The following ENTREP2 variants were observed in gnomAD, a reference collection of about 807,000 sequenced individuals.
ENTREP2 encodes the protein protein ENTREP2.
At chr15:29,173,177 G>A in the ENTREP2 span, among the ~76,000 whole-genome samples, 1 of 152,184 alleles carries the variant, frequency 6.6e-6, no homozygotes, top group Non-Finnish European at 1.5e-5. Context: ...TCCACTCCCA[G>A]GACAGTCCAC....
chr15:29,212,743 C>T, the ENTREP2 span, among the ~76,000 whole-genome samples: 18 of 152,170 alleles, frequency 1.2e-4, no homozygotes, highest in African/African-American at 3.1e-4. Context: ...TCATTTTTGA[C>T]CCAATGCTCA....
At chr15:29,453,979 C>T in the ENTREP2 span, among the ~76,000 whole-genome samples, 8 of 152,124 alleles carry the variant, frequency 5.3e-5, no homozygotes, top group African/African-American at 1.2e-4. Context: ...CTGACATCTC[C>T]GATTTTAATA....
At chr15:29,364,696 T>C in the ENTREP2 span, among the ~76,000 whole-genome samples, 2 of 152,214 alleles carry the variant, frequency 1.3e-5, no homozygotes, top group Admixed American at 6.5e-5. Context: ...ATAAACTGAA[T>C]GTATCCTGGT....
the ENTREP2 span, among the ~76,000 whole-genome samples, chr15:29,617,656 T>C: frequency 1.1e-4 from 16 of 152,140 alleles, no homozygotes; most frequent in Non-Finnish European, 1.8e-4. Context: ...AGATGAGGCT[T>C]TGGGGGAAGA....
At chr15:29,540,039 T>C in the ENTREP2 span, among the ~76,000 whole-genome samples, 1 of 152,120 alleles carries the variant, frequency 6.6e-6, no homozygotes, top group African/African-American at 2.4e-5. Flanking sequence ...CCAGGATGTA[T>C]GGGGATCACT....
At chr15:29,600,898 C>CTTTTTTTTTTT in the ENTREP2 span, among the ~76,000 whole-genome samples, 6,480 of 124,196 alleles carry the variant, frequency 0.052, 1,060 homozygotes, top group African/African-American at 0.1. Context: ...TATGATTTTT[C>CTTTTTTTTTTT]TTTCTTTTTT....
the ENTREP2 span, chr15:29,613,488 C>T: frequency 7.6e-6 from 3 of 395,252 alleles, no homozygotes; most frequent in South Asian, 4.7e-5. Context: ...CAGCAAGATC[C>T]GAGAAGAGGA....
the ENTREP2 span, among the ~76,000 whole-genome samples, chr15:29,368,499 A>AC: frequency 7.6e-4 from 116 of 152,166 alleles, no homozygotes; most frequent in African/African-American, 2.6e-3. Flanking sequence ...ACTAAAGCAA[A>AC]CTGTCTAAAG....
chr15:29,657,388 A>T, the ENTREP2 span, among the ~76,000 whole-genome samples: 1 of 149,498 alleles, frequency 6.7e-6, no homozygotes, highest in Non-Finnish European at 1.5e-5. Flanking sequence ...GCACGGACCC[A>T]AAAAGTGAGC....
chr15:29,338,204 GGAGT>G, the ENTREP2 span, among the ~76,000 whole-genome samples: 1 of 151,892 alleles, frequency 6.6e-6, no homozygotes, highest in Non-Finnish European at 1.5e-5. Context: ...GACAGTTTAG[GGAGT>G]GAGGAGTGCA....
chr15:29,300,730 C>G, the ENTREP2 span, among the ~76,000 whole-genome samples: 30,881 of 151,928 alleles, frequency 0.2, 3,265 homozygotes, highest in Non-Finnish European at 0.24. Flanking sequence ...TCCCGAGTAG[C>G]TGGGACTACA....
the ENTREP2 span, among the ~76,000 whole-genome samples, chr15:29,289,238 T>C: frequency 6.8e-6 from 1 of 145,988 alleles, no homozygotes; most frequent in Non-Finnish European, 1.5e-5. Flanking sequence ...AAAAGAAAAA[T>C]GCACATAACA....
At chr15:29,290,542 A>G in the ENTREP2 span, among the ~76,000 whole-genome samples, 2 of 152,228 alleles carry the variant, frequency 1.3e-5, no homozygotes, top group African/African-American at 4.8e-5. Context: ...CCTGCACAAG[A>G]ATGCAGCTTT....
At chr15:29,322,235 T>C in the ENTREP2 span, among the ~76,000 whole-genome samples, 4 of 152,186 alleles carry the variant, frequency 2.6e-5, no homozygotes, top group Non-Finnish European at 5.9e-5. Flanking sequence ...TAAACTGAGC[T>C]AATTAACACA....
the ENTREP2 span, among the ~76,000 whole-genome samples, chr15:29,421,464 G>A: frequency 1.3e-5 from 2 of 152,164 alleles, no homozygotes; most frequent in African/African-American, 2.4e-5. Context: ...TAGAAATGTG[G>A]AGACGTAGTA....
chr15:29,387,452 G>A, the ENTREP2 span, among the ~76,000 whole-genome samples: 12 of 152,262 alleles, frequency 7.9e-5, no homozygotes, highest in African/African-American at 2.9e-4. Flanking sequence ...ACAAACCACT[G>A]CTCAACGAAA....
chr15:29,330,084 G>C, the ENTREP2 span, among the ~76,000 whole-genome samples: 1 of 152,088 alleles, frequency 6.6e-6, no homozygotes, highest in African/African-American at 2.4e-5. Context: ...CTGGCTAGGT[G>C]ATCAAGTCAA....
the ENTREP2 span, among the ~76,000 whole-genome samples, chr15:29,519,702 A>G: frequency 2.0e-5 from 3 of 152,180 alleles, no homozygotes; most frequent in Non-Finnish European, 4.4e-5. Flanking sequence ...TTATACATGG[A>G]TTTCTGACTG....
At chr15:29,384,614 T>C in the ENTREP2 span, among the ~76,000 whole-genome samples, 2 of 152,070 alleles carry the variant, frequency 1.3e-5, no homozygotes, top group Non-Finnish European at 2.9e-5. Flanking sequence ...TCTGGGCACC[T>C]CCAGGGAGGC....
Sources: allele counts gnomAD v4.1 joint callset (sites outside exome capture counted in the v4.1 genomes callset), GRCh38; gene constraint gnomAD v4.1.1; transcripts MANE v1.5; gene names NCBI Gene and HGNC (gene_info 2026-07-23, HGNC 2026-07-21).